Variants in PLIN5 observed in about 807,000 individuals in gnomAD.
PLIN5 encodes perilipin-5.
Under a neutral mutation model 32.8 loss-of-function variants are expected in PLIN5, and 34 were observed. The ratio of observed to expected loss-of-function variants is 1.04; its 90% CI spans 0.79 to 1.38. The LOEUF is 1.38. Among genes scored for constraint, PLIN5 ranks in the 40% most tolerant of loss-of-function variants. The pLI is 0.00. For synonymous variants in PLIN5, 309 were observed against 292.9 expected (o/e 1.05, Z -0.56); for missense variants, 712 against 660.5 (o/e 1.08, Z -0.85).
Position 4,525,288 on chromosome 19 carries a change from G to A in PLIN5, c.721-212C>T, listed in dbSNP as rs1025911156. Among the ~76,000 whole-genome samples the A allele has an allele frequency of 1.3e-5, 2 of 152,144 alleles. No homozygotes were observed. The highest frequency in any genetic ancestry group is 2.9e-5 in the Non-Finnish European group (2 of 68,016). The stretch of plus-strand genomic sequence containing the variant: ...AAAGAAGGGACAGACCTGACTCAGG[G>A]GCTCACAGGTGCCCTCTGGTGGCTG... On this transcript the variant is annotated intron_variant, in intron 6 of 7. Coordinates refer to ENST00000381848, the MANE Select transcript of PLIN5 (RefSeq NM_001013706.3). This position sits in a 1 kb window ranked among gnomAD's most constrained non-coding sequence, Gnocchi z 5.6.
Position 4,525,782 on chromosome 19 carries a change from G to A in PLIN5, c.571C>T (p.Gln191Ter). 2 of 1,613,280 alleles carry A rather than the reference G, an allele frequency of 1.2e-6. No homozygotes were observed. Among genetic ancestry groups the A allele is most frequent in the Non-Finnish European group, 1.7e-6 (2 of 1,179,924 alleles). ...EGPEVGSVED[Q>*]RRQQGYFVRL... is the part of the protein sequence containing the mutation. ...ACAAAGTAGCCCTGCTGTCTCCTCT[G>A]ATCCTCCACCGAACCCACTTCAGGG... Residue 191 changes from glutamine to a stop codon, truncating the protein, a stop_gained, in exon 6 of 8, where the codon CAG becomes TAG. Coordinates refer to ENST00000381848, the MANE Select transcript of PLIN5 (RefSeq NM_001013706.3). LOFTEE classifies it high-confidence loss of function. This position sits in a 1 kb window ranked among gnomAD's most constrained non-coding sequence, Gnocchi z 5.6.
Position 4,523,656 on chromosome 19 carries a change from C to T in PLIN5, c.1264G>A (p.Glu422Lys), listed in dbSNP as rs993511327. The change falls in exon 8 of 8, where the codon GAG (glutamate) becomes AAG (lysine). Residue 422 changes from glutamate to lysine, a missense_variant. By Grantham distance (56) the Glu-to-Lys change is moderately conservative. Transcript: ENST00000381848. The surrounding 1 kb of genome is among the most constrained non-coding windows in gnomAD (Gnocchi z 5.0). ...WPAQQRAWEA[E>K]HRDGSGNGDG... ...CCATTCCCACTCCCGTCCCTGTGCTCTGCCTCCCAGGCTCTCTGCTGGGCC... is the reference window on the plus strand; with the variant it reads ...CCATTCCCACTCCCGTCCCTGTGCTTTGCCTCCCAGGCTCTCTGCTGGGCC... 6.2e-7 allele frequency: 1 copy of T among 1,610,640 alleles called. No individual in the cohort carries two copies. The highest frequency in any genetic ancestry group is 1.3e-5 in the African/African-American group (1 of 74,896).
Position 4,531,696 on chromosome 19 carries a change from A to G in PLIN5, c.187T>C (p.Cys63Arg), listed in dbSNP as rs770851963. Residue 63 changes from cysteine (C) to arginine (R), a missense_variant, in exon 3 of 8, where the codon TGC becomes CGC. Cys to Arg is a radical substitution (Grantham distance 180). Transcript: ENST00000381848. ...GCACGGGTGGTCAGGCCGCACACGC[A>G]GTTCTCAGCCAGGCGGCAGGCGGAG... ...LGSACRLAEN[C>R]VCGLTTRALD... 2.6e-6 allele frequency: 4 copies of G among 1,566,904 alleles called. No homozygotes were observed. Among genetic ancestry groups the G allele is most frequent in the Non-Finnish European group, 1.7e-6 (2 of 1,160,336 alleles).
intron 2 of PLIN5, chr19:4,533,645 A>G (rs1976913278): frequency 2.3e-6 from 1 of 429,044 alleles, no homozygotes; most frequent in Non-Finnish European, 4.1e-6. Flanking sequence ...GCCAATATAC[A>G]TGAAACGGTT....
At chr19:4,530,528 G>T (rs978641276) in intron 3 of PLIN5, among the ~76,000 whole-genome samples, 9 of 152,236 alleles carry the variant, frequency 5.9e-5, no homozygotes, top group African/African-American at 2.2e-4. Context: ...GCAGAGGCAG[G>T]TGCAGAGGGG....
At position 4,529,120 on chromosome 19, in the gene PLIN5, G is replaced by C. The variant is rs374281900; in HGVS notation, c.473C>G (p.Ser158Ter). The change falls in exon 5 of 8, where the codon TCA becomes TGA. Residue 158 changes from serine to a stop codon, truncating the protein, a stop_gained. Coordinates refer to ENST00000381848, the MANE Select transcript of PLIN5 (RefSeq NM_001013706.3). LOFTEE classifies it high-confidence loss of function. ...CAGGAAGTGATCCACCAGCTCCTCT[G>C]ATTTTTCCAGTACAACATCCACAGC... ...SHAVDVVLEK[S>*]EELVDHFLPM... is the part of the protein sequence containing the mutation. 4.3e-6 allele frequency: 7 copies of C among 1,613,354 alleles called. No homozygotes were observed. In the African/African-American group the frequency reaches 9.3e-5, roughly 22 times the overall value.
At position 4,525,875 on chromosome 19, in the gene PLIN5, G is replaced by A; in HGVS notation, c.521-43C>T. ...GGGACAGCACGGGGACAGGATACGG[G>A]GACAGCACGGGGACAGGATACGGGG... On this transcript the variant is annotated intron_variant, in intron 5 of 7. Coordinates refer to ENST00000381848, the MANE Select transcript of PLIN5 (RefSeq NM_001013706.3). This position sits in a 1 kb window ranked among gnomAD's most constrained non-coding sequence, Gnocchi z 5.6. The A allele has an allele frequency of 1.8e-6, 2 of 1,096,700 alleles. No individual in the cohort carries two copies. The highest frequency in any genetic ancestry group is 2.5e-6 in the Non-Finnish European group (2 of 792,200). 67.9% of individuals were successfully genotyped at this position (1,096,700 alleles called of 1,614,324 possible).
At position 4,529,165 on chromosome 19, in the gene PLIN5, A is replaced by G. The variant is rs1976845874; in HGVS notation, c.428T>C (p.Leu143Pro). 1 of 1,613,122 alleles carries G rather than the reference A, an allele frequency of 6.2e-7. No individual in the cohort carries two copies. Among genetic ancestry groups the G allele is most frequent in the Non-Finnish European group, 8.5e-7 (1 of 1,179,946 alleles). ...ARRGRRWSVE[L>P]KRSVSHAVDV... ...CACAGCATGGCTCACGGAGCGCTTC[A>G]GCTCCACGCTCCAGCGCCGGCCCCT... is the stretch of plus-strand genomic sequence containing the variant. The change falls in exon 5 of 8, where the codon CTG (leucine) becomes CCG (proline). Residue 143 changes from leucine (L) to proline (P), a missense_variant. Leu to Pro is a moderately conservative substitution (Grantham distance 98). Coordinates refer to ENST00000381848, the MANE Select transcript of PLIN5 (RefSeq NM_001013706.3).
chr19:4,529,030 C>A, intron 5 of PLIN5, 43 bp downstream of exon 5: 1 of 1,582,490 alleles, frequency 6.3e-7, no homozygotes, highest in South Asian at 1.2e-5. Flanking sequence ...GGGATGGGGA[C>A]GGGGCAGGAC....
chr19:4,529,388 T>C, intron 4 of PLIN5, 135 bp from the exon 5 acceptor site: 1 of 983,300 alleles, frequency 1.0e-6, no homozygotes, highest in Non-Finnish European at 1.5e-6. Context: ...CCCTATAAAA[T>C]GGGTGATAAA....
At chr19:4,531,401 C>G (rs1035614246) in intron 3 of PLIN5, among the ~76,000 whole-genome samples, 2 of 151,984 alleles carry the variant, frequency 1.3e-5, no homozygotes, top group Admixed American at 6.6e-5. Flanking sequence ...CCTCGGCCTC[C>G]CAAAGTGCTG....
In PLIN5 at chr19:4,523,474, C is replaced by T. The variant is rs1976755946; in HGVS notation, c.*54G>A. 7 of 1,500,052 alleles carry T rather than the reference C, an allele frequency of 4.7e-6. No individual in the cohort carries two copies. The highest frequency in any genetic ancestry group is 6.2e-6 in the Non-Finnish European group (7 of 1,122,398). 92.9% of individuals were successfully genotyped at this position (1,500,052 alleles called of 1,614,324 possible). A position where few individuals can be genotyped will look rare whatever the true frequency, so the allele number is the denominator to read the frequency against. On this transcript the variant is annotated 3_prime_UTR_variant, in exon 8 of 8. Transcript: ENST00000381848. This position sits in a 1 kb window ranked among gnomAD's most constrained non-coding sequence, Gnocchi z 5.0. ...CTTACGTGTGGCCACCAGGGGGCAG[C>T]AGGGATCGGGGTGTGCAGGTGGCCT...
In PLIN5 at chr19:4,524,100, G is replaced by T; in HGVS notation, c.835-15C>A. 1 of 1,401,542 alleles carries T rather than the reference G, an allele frequency of 7.1e-7. No individual in the cohort carries two copies. Among genetic ancestry groups the T allele is most frequent in the South Asian group, 1.6e-5 (1 of 63,740 alleles). 86.8% of individuals were successfully genotyped at this position (1,401,542 alleles called of 1,614,324 possible). A position where few individuals can be genotyped will look rare whatever the true frequency, so the allele number is the denominator to read the frequency against. ...TCCAGCTCTGCCTGCAGGGGGCGGG[G>T]ACCTCAGTTTCCCCTATGGACGCCC... On this transcript the variant is annotated splice_polypyrimidine_tract_variant and intron_variant, in intron 7 of 7. Coordinates refer to ENST00000381848, the MANE Select transcript of PLIN5 (RefSeq NM_001013706.3).
chr19:4,529,417 GTGTT>G, intron 4 of PLIN5, 164 bp from the exon 5 acceptor site: 1 of 723,266 alleles, frequency 1.4e-6, no homozygotes, highest in Non-Finnish European at 2.2e-6. Context: ...CTCACAGAGG[GTGTT>G]GAGGGAGTTA....
chr19:4,534,585 G>A (rs1976925443), intron 1 of PLIN5, among the ~76,000 whole-genome samples: 1 of 152,098 alleles, frequency 6.6e-6, no homozygotes, highest in African/African-American at 2.4e-5. Flanking sequence ...TGCCCAGGCT[G>A]GTCTCAAACT....
chr19:4,529,530 A>G (rs1230132893), intron 4 of PLIN5: 1 of 467,426 alleles, frequency 2.1e-6, no homozygotes, highest in African/African-American at 4.0e-5. Flanking sequence ...ACACATATAC[A>G]TATATACTTA....
chr19:4,534,075 C>A lies in PLIN5; in HGVS notation c.-1G>T, dbSNP rs756802059. 6.2e-7 allele frequency: 1 copy of A among 1,612,288 alleles called. No individual in the cohort carries two copies. The highest frequency in any genetic ancestry group is 8.5e-7 in the Non-Finnish European group (1 of 1,179,258). ...TCTGAGCCGCCTCTTCTTCAGACATCGTGCTGCAAACAGGGTCACCCTGCG... is the reference window on the plus strand; with the variant it reads ...TCTGAGCCGCCTCTTCTTCAGACATAGTGCTGCAAACAGGGTCACCCTGCG... On this transcript the variant is annotated 5_prime_UTR_variant, in exon 2 of 8. Coordinates refer to ENST00000381848, the MANE Select transcript of PLIN5 (RefSeq NM_001013706.3).
At chr19:4,531,556 G>A in intron 3 of PLIN5, 71 bp downstream of exon 3, 1 of 1,415,650 alleles carries the variant, frequency 7.1e-7, no homozygotes, top group East Asian at 2.6e-5. Flanking sequence ...GATAGACCAA[G>A]GAGGATGGGA....
At chr19:4,527,931 A>G (rs1976827360) in intron 5 of PLIN5, among the ~76,000 whole-genome samples, 1 of 147,812 alleles carries the variant, frequency 6.8e-6, no homozygotes, top group Non-Finnish European at 1.5e-5. Context: ...TTTTTTTGAG[A>G]TAGAGTCTCG....
Sources: allele counts gnomAD v4.1 joint callset (sites outside exome capture counted in the v4.1 genomes callset), GRCh38; gene constraint gnomAD v4.1.1; non-coding constraint Gnocchi (gnomAD v3.1); transcripts MANE v1.5; gene names NCBI Gene and HGNC (gene_info 2026-07-23, HGNC 2026-07-21).